Variants in LSMEM1 observed in about 807,000 individuals in gnomAD.
LSMEM1 encodes leucine rich single-pass membrane protein 1, also known as leucine-rich single-pass membrane protein 1.
Under a neutral mutation model 11.3 loss-of-function variants are expected in LSMEM1, and 10 were observed. The observed-to-expected ratio is 0.89, with a 90% CI of 0.55 to 1.50. The LOEUF (loss-of-function observed/expected upper bound fraction) is 1.50, where lower values mean the gene tolerates loss of function less well. LSMEM1 is among the 40% of genes most tolerant of loss of function. LSMEM1 has a pLI of 0.00. For missense variants in LSMEM1, 151 were observed against 152.9 expected (o/e 0.99, Z 0.06); for synonymous variants, 65 against 59.3 (o/e 1.10, Z -0.44).
chr7:112,488,897 A>G (rs557107649), intron 3 of LSMEM1, among the ~76,000 whole-genome samples: 1 of 152,250 alleles, frequency 6.6e-6, no homozygotes, highest in South Asian at 2.1e-4. Flanking sequence ...GTGCCCAGCC[A>G]AATCCATTAT....
intron 1 of LSMEM1, among the ~76,000 whole-genome samples, chr7:112,484,016 A>G (rs1332424993): frequency 6.6e-6 from 1 of 152,224 alleles, no homozygotes; most frequent in Non-Finnish European, 1.5e-5. Flanking sequence ...CAGGATTTTC[A>G]GTGTTGCTTG....
In LSMEM1 at chr7:112,487,673, A is replaced by G. The variant is rs144211570; in HGVS notation, c.256+622A>G. ...TCAGGCTTCCCCACCTCAGCTTCTC[A>G]GTCAAGAGATCCTTCAAGCCTTCAG... On this transcript the variant is annotated intron_variant, in intron 3 of 3. Transcript: ENST00000312849. Among the ~76,000 whole-genome samples the G allele has an allele frequency of 2.3e-3, 345 of 152,328 alleles. 3 individuals carry two copies. The highest frequency in any genetic ancestry group is 7.8e-3 in the African/African-American group (326 of 41,574).
intron 2 of LSMEM1, 198 bp from the exon 3 acceptor site, chr7:112,486,725 G>A (rs879059652): frequency 1.6e-5 from 9 of 567,260 alleles, no homozygotes; most frequent in South Asian, 9.3e-5. Flanking sequence ...GCAGTGAGCC[G>A]AGATCAAGCC....
rs1796214465 is a variant in LSMEM1 at position 112,490,438 on chromosome 7, A to G, written c.*489A>G. 6.6e-6 allele frequency: 1 copy of G among 152,610 alleles called. No individual in the cohort carries two copies. Among genetic ancestry groups the G allele is most frequent in the African/African-American group, 2.4e-5 (1 of 41,468 alleles). 9.5% of individuals were successfully genotyped at this position (152,610 alleles called of 1,614,324 possible). A position where few individuals can be genotyped will look rare whatever the true frequency, so the allele number is the denominator to read the frequency against. On this transcript the variant is annotated 3_prime_UTR_variant, in exon 4 of 4. Transcript: ENST00000312849. Reference sequence around the variant, plus strand: ...AGAGGGATTCTGCTCAGGTGATTAGACTTTGACTCTATTTCCCCAGGGACA... The same window carrying G: ...AGAGGGATTCTGCTCAGGTGATTAGGCTTTGACTCTATTTCCCCAGGGACA...
Position 112,490,149 on chromosome 7 carries a change from G to A in LSMEM1, c.*200G>A. 2.0e-6 allele frequency: 1 copy of A among 503,350 alleles called. No homozygotes were observed. Among genetic ancestry groups the A allele is most frequent in the Non-Finnish European group, 3.4e-6 (1 of 290,278 alleles). The allele number at this position is 503,350 out of a possible 1,614,324, so 31.2% of individuals were successfully genotyped here. Reference sequence around the variant, plus strand: ...GGTATGGGAATAGCAACTAAAAAGGGGTGAACTTGTCTCAGCCCCCTTTTA... The same window carrying A: ...GGTATGGGAATAGCAACTAAAAAGGAGTGAACTTGTCTCAGCCCCCTTTTA... On this transcript the variant is annotated 3_prime_UTR_variant, in exon 4 of 4. Coordinates refer to ENST00000312849, the MANE Select transcript of LSMEM1 (RefSeq NM_182597.3).
chr7:112,485,482 C>T (rs533838404), intron 2 of LSMEM1, among the ~76,000 whole-genome samples: 8 of 152,286 alleles, frequency 5.3e-5, no homozygotes, highest in African/African-American at 1.9e-4. Context: ...TATCAGATCA[C>T]TCTGAGTGCC....
Position 112,489,987 on chromosome 7 carries a change from G to A in LSMEM1, c.*38G>A. The A allele has an allele frequency of 1.3e-6, 2 of 1,593,482 alleles. No homozygotes were observed. The highest frequency in any genetic ancestry group is 1.7e-6 in the Non-Finnish European group (2 of 1,171,838). On this transcript the variant is annotated 3_prime_UTR_variant, in exon 4 of 4. Transcript: ENST00000312849. Reference sequence around the variant, plus strand: ...CTGAAAGCACCTGCTAACACCTTGAGCTTTTTACTTTCCTGGGAGTGTACA... The same window carrying A: ...CTGAAAGCACCTGCTAACACCTTGAACTTTTTACTTTCCTGGGAGTGTACA...
intron 3 of LSMEM1, among the ~76,000 whole-genome samples, chr7:112,487,599 T>C (rs555814286): frequency 6.6e-6 from 1 of 152,360 alleles, no homozygotes; most frequent in African/African-American, 2.4e-5. Context: ...ATAACCTGCT[T>C]TGTCTGCTCT....
At chr7:112,489,684 A>G in intron 3 of LSMEM1, 126 bp from the exon 4 acceptor site, 2 of 1,063,894 alleles carry the variant, frequency 1.9e-6, no homozygotes, top group South Asian at 1.7e-5. Flanking sequence ...GCATGCATGG[A>G]TATGGGAACA....
At position 112,486,953 on chromosome 7, in the gene LSMEM1, C is replaced by G; in HGVS notation, c.158C>G (p.Thr53Arg). ...GAGGACAAAATCCCAGTCCTTGGCA[C>G]AAACTCAGGAAATGGAAGCCGGAGT... ...PLEDKIPVLG[T>R]NSGNGSRSLF... Residue 53 changes from threonine to arginine, a missense_variant, in exon 3 of 4, where the codon ACA (threonine) becomes AGA (arginine). Thr to Arg is a moderately conservative substitution (Grantham distance 71, BLOSUM62 -1). Transcript: ENST00000312849. 6.2e-7 allele frequency: 1 copy of G among 1,614,124 alleles called. No homozygotes were observed. The highest frequency in any genetic ancestry group is 8.5e-7 in the Non-Finnish European group (1 of 1,180,004).
chr7:112,486,653 G>A (rs1796133251), intron 2 of LSMEM1, among the ~76,000 whole-genome samples: 1 of 152,158 alleles, frequency 6.6e-6, no homozygotes, highest in Non-Finnish European at 1.5e-5. Context: ...GCGGGGGCCT[G>A]TAGTCCCAGC....
intron 1 of LSMEM1, among the ~76,000 whole-genome samples, chr7:112,484,124 G>A (rs944952427): frequency 1.3e-5 from 2 of 152,210 alleles, no homozygotes; most frequent in African/African-American, 4.8e-5. Context: ...AGGTGGAAGA[G>A]ATCTCAGAGG....
Position 112,489,902 on chromosome 7 carries a change from G to A in LSMEM1, c.349G>A (p.Val117Ile), listed in dbSNP as rs765687583. 19 of 1,613,876 alleles carry A rather than the reference G, an allele frequency of 1.2e-5. No homozygotes were observed. Among genetic ancestry groups the A allele is most frequent in the African/African-American group, 1.1e-4 (8 of 74,912 alleles). Residue 117 changes from valine to isoleucine, a missense_variant, in exon 4 of 4, where the codon GTA (valine) becomes ATA (isoleucine). Physicochemically the swap from Val to Ile is conservative, Grantham distance 29. Transcript: ENST00000312849. ...DDLKRINNMI[V>I]KRLNQLNQLD... ...TCTTAAGAGAATCAATAACATGATC[G>A]TAAAGCGACTCAACCAACTCAACCA...
chr7:112,487,365 T>A (rs1261480045), intron 3 of LSMEM1, among the ~76,000 whole-genome samples: 1 of 152,238 alleles, frequency 6.6e-6, no homozygotes, highest in Non-Finnish European at 1.5e-5. Context: ...TGATTCTAGC[T>A]TTACTTTATC....
intron 1 of LSMEM1, chr7:112,483,428 C>T (rs1235666990): frequency 2.0e-5 from 3 of 152,290 alleles, no homozygotes; most frequent in East Asian, 1.9e-4. Flanking sequence ...TCCATCTTAA[C>T]ATAAGTCACC....
chr7:112,487,124 A>T, intron 3 of LSMEM1, 73 bp downstream of exon 3: 2 of 1,549,942 alleles, frequency 1.3e-6, no homozygotes, highest in Admixed American at 3.7e-5. Context: ...TTGCTCCCAC[A>T]AAGTTTGCAC....
chr7:112,487,447 C>T (rs1430131953), intron 3 of LSMEM1, among the ~76,000 whole-genome samples: 1 of 152,222 alleles, frequency 6.6e-6, no homozygotes. Flanking sequence ...TGAACTCGCT[C>T]CCAGGTTTTC....
Position 112,489,862 on chromosome 7 carries a change from A to G in LSMEM1, c.309A>G (p.Gly103=), listed in dbSNP as rs1422504389. 2 of 1,613,968 alleles carry G rather than the reference A, an allele frequency of 1.2e-6. No homozygotes were observed. Among genetic ancestry groups the G allele is most frequent in the Admixed American group, 3.3e-5 (2 of 59,980 alleles). Residue 103 remains glycine (G), a synonymous_variant, in exon 4 of 4, where the codon GGA becomes GGG. Coordinates refer to ENST00000312849, the MANE Select transcript of LSMEM1 (RefSeq NM_182597.3). ...DDVSRRLTAE[G]KDIDDLKRIN... The stretch of plus-strand genomic sequence containing the variant: ...TGTCAAGAAGACTAACAGCTGAAGG[A>G]AAAGACATAGATGATCTTAAGAGAA...
Position 112,481,053 on chromosome 7 carries a change from C to CT in LSMEM1, c.-294dup. ...GGGCATGGTGTTTTTTTGTTGTTTTCTTTTTAAAGCATAGTTTTAGTAATA... is the reference window on the plus strand; with the variant it reads ...GGGCATGGTGTTTTTTTGTTGTTTTCTTTTTTAAAGCATAGTTTTAGTAATA... On this transcript the variant is annotated 5_prime_UTR_variant, in exon 1 of 4. It introduces an in-frame stop codon into an upstream open reading frame of the 5' UTR. Coordinates refer to ENST00000312849, the MANE Select transcript of LSMEM1 (RefSeq NM_182597.3). 2.9e-6 allele frequency: 1 copy of CT among 350,754 alleles called. No homozygotes were observed. The highest frequency in any genetic ancestry group is 2.2e-5 in the South Asian group (1 of 45,982). The allele number at this position is 350,754 out of a possible 1,614,324, so 21.7% of individuals were successfully genotyped here.
Sources: gnomAD v4.1 joint callset for allele counts (sites outside exome capture counted in the v4.1 genomes callset) on GRCh38, gnomAD v4.1.1 for gene constraint, MANE v1.5 for transcripts, NCBI Gene and HGNC (gene_info 2026-07-23, HGNC 2026-07-21) for gene names.